NLN: variants seen among roughly 807,000 people sequenced by gnomAD.
The protein encoded by NLN is neurolysin, also known as neurolysin, mitochondrial.
In NLN, 64 loss-of-function variants were observed where a neutral mutation model predicts 79.9. The observed-to-expected ratio is 0.80, with a 90% CI of 0.65 to 0.99. NLN has a LOEUF of 0.99. Among genes scored for constraint, NLN ranks in the 50% least tolerant of loss-of-function variants. The pLI, the probability that NLN is intolerant of heterozygous loss-of-function variation, is 0.00. For missense variants in NLN, 835 were observed against 858.7 expected (o/e 0.97, Z 0.34); for synonymous variants, 267 against 296.6 (o/e 0.90, Z 1.02).
At chr5:65,763,332 C>T (rs1759379989) in intron 3 of NLN, among the ~76,000 whole-genome samples, 1 of 152,102 alleles carries the variant, frequency 6.6e-6, no homozygotes, top group African/African-American at 2.4e-5. Flanking sequence ...GAAGAGTGAA[C>T]ATCTGTAAAG....
At chr5:65,727,515 G>A (rs752111890) in intron 1 of NLN, among the ~76,000 whole-genome samples, 21 of 151,614 alleles carry the variant, frequency 1.4e-4, no homozygotes, top group Admixed American at 4.6e-4. Flanking sequence ...CTAAATAATA[G>A]CTAAGGCCTT....
At chr5:65,727,109 C>T (rs1455820219) in intron 1 of NLN, among the ~76,000 whole-genome samples, 2 of 152,214 alleles carry the variant, frequency 1.3e-5, no homozygotes, top group African/African-American at 4.8e-5. Flanking sequence ...GTTCAATTCA[C>T]TTTGTGACCT....
chr5:65,820,289 G>A (rs1406809897), intron 12 of NLN, among the ~76,000 whole-genome samples: 1 of 152,174 alleles, frequency 6.6e-6, no homozygotes, highest in African/African-American at 2.4e-5. Context: ...ACATCTTGAG[G>A]CTGAAGAATT....
At chr5:65,788,634 G>A (rs547799354) in intron 8 of NLN, 150 bp downstream of exon 8, 45 of 799,976 alleles carry the variant, frequency 5.6e-5, no homozygotes, top group Middle Eastern at 2.4e-4. Flanking sequence ...CTAGGAGTTC[G>A]AGACCAGCCT....
At chr5:65,741,389 C>T (rs189825081) in intron 1 of NLN, among the ~76,000 whole-genome samples, 1 of 151,986 alleles carries the variant, frequency 6.6e-6, no homozygotes, top group East Asian at 1.9e-4. Context: ...ATCATAATAC[C>T]ATTGTCACAC....
At chr5:65,818,417 T>C (rs1429930016) in intron 12 of NLN, among the ~76,000 whole-genome samples, 1 of 152,116 alleles carries the variant, frequency 6.6e-6, no homozygotes, top group African/African-American at 2.4e-5. Flanking sequence ...ACCCAGTGTG[T>C]TTTTTCCTTT....
At chr5:65,777,575 A>C (rs770290862) in intron 4 of NLN, 41 bp downstream of exon 4, 3 of 1,284,470 alleles carry the variant, frequency 2.3e-6, no homozygotes, top group Non-Finnish European at 3.3e-6. Context: ...AAAAAAAATG[A>C]ATAAATAAAA....
chr5:65,723,907 CTGTT>C (rs1758391274), intron 1 of NLN, among the ~76,000 whole-genome samples: 2 of 149,330 alleles, frequency 1.3e-5, no homozygotes. Flanking sequence ...CTAAGAGCTT[CTGTT>C]TGTGTGGTAT....
intron 1 of NLN, among the ~76,000 whole-genome samples, chr5:65,750,265 A>C (rs1328087035): frequency 6.6e-6 from 1 of 152,240 alleles, no homozygotes; most frequent in Non-Finnish European, 1.5e-5. Flanking sequence ...AATATTTGAA[A>C]TGTGCCTGGT....
intron 6 of NLN, 22 bp downstream of exon 6, chr5:65,781,443 C>G (rs780178862): frequency 6.4e-7 from 1 of 1,554,370 alleles, no homozygotes; most frequent in South Asian, 1.1e-5. Flanking sequence ...GTTTGTCTTT[C>G]TTTTGTTTTT....
intron 11 of NLN, among the ~76,000 whole-genome samples, chr5:65,810,442 G>C (rs1430079523): frequency 6.6e-6 from 1 of 152,208 alleles, no homozygotes; most frequent in Admixed American, 6.5e-5. Flanking sequence ...CGTGTTGGCA[G>C]CACACTCTCA....
chr5:65,781,488 C>T (rs956345152), intron 6 of NLN, 67 bp downstream of exon 6: 2 of 1,188,254 alleles, frequency 1.7e-6, no homozygotes, highest in African/African-American at 3.0e-5. Context: ...TTACTTTGTT[C>T]ACCAGTGTCA....
chr5:65,780,530 T>C (rs993990331), intron 5 of NLN, among the ~76,000 whole-genome samples: 6 of 152,222 alleles, frequency 3.9e-5, no homozygotes, highest in African/African-American at 1.4e-4. Context: ...TAATAATCTT[T>C]TTTTTTTTTC....
rs1031563296 is a variant in NLN, at chr5:65,781,244, A to T, written c.662-17A>T. The T allele has an allele frequency of 6.3e-7, 1 of 1,587,650 alleles. No individual in the cohort carries two copies. The highest frequency in any genetic ancestry group is 1.4e-5 in the African/African-American group (1 of 73,736). On this transcript the variant is annotated splice_polypyrimidine_tract_variant and intron_variant, in intron 5 of 12. Transcript: ENST00000380985. ...ATGAGTGGAAAATTTGATATATGAG[A>T]AAATGATTTTTTGCAGGTGCTCTTC...
intron 3 of NLN, 21 bp downstream of exon 3, chr5:65,763,129 C>A: frequency 1.3e-6 from 2 of 1,598,552 alleles, no homozygotes; most frequent in Non-Finnish European, 1.7e-6. Context: ...TTATAAATCC[C>A]TTTAAAGAGG....
At chr5:65,806,067 G>T (rs1006546797) in intron 9 of NLN, among the ~76,000 whole-genome samples, 1 of 151,966 alleles carries the variant, frequency 6.6e-6, no homozygotes, top group African/African-American at 2.4e-5. Context: ...TTAAGCCACT[G>T]TTGAGATCTA....
intron 3 of NLN, among the ~76,000 whole-genome samples, chr5:65,764,482 A>G (rs933358520): frequency 1.3e-5 from 2 of 152,160 alleles, no homozygotes; most frequent in Non-Finnish European, 1.5e-5. Flanking sequence ...AGCTGAGATC[A>G]TGCCACTGCA....
chr5:65,800,268 T>C (rs1760254916), intron 9 of NLN, among the ~76,000 whole-genome samples: 1 of 152,248 alleles, frequency 6.6e-6, no homozygotes, highest in Non-Finnish European at 1.5e-5. Flanking sequence ...TATGATTCTG[T>C]TCCTGTTCTT....
Position 65,758,684 on chromosome 5 carries a change from A to G in NLN, c.159A>G (p.Ser53=), listed in dbSNP as rs1251072428. ...AGRNVLRWDL[S]PEQIKTRTEE... ...GAAATGTTTTAAGATGGGATCTTTC[A>G]CCAGAGCAAATTAAAACAAGAACTG... The change falls in exon 2 of 13, where the codon TCA becomes TCG. Residue 53 remains serine, a synonymous_variant. Transcript: ENST00000380985. 76 of 1,613,746 alleles carry G rather than the reference A, an allele frequency of 4.7e-5. No individual in the cohort carries two copies. Among genetic ancestry groups the G allele is most frequent in the Non-Finnish European group, 6.4e-5 (76 of 1,179,872 alleles).
Sources: gnomAD v4.1 joint callset for allele counts (sites outside exome capture counted in the v4.1 genomes callset) on GRCh38, gnomAD v4.1.1 for gene constraint, MANE v1.5 for transcripts, NCBI Gene and HGNC (gene_info 2026-07-23, HGNC 2026-07-21) for gene names.